Variants in BMPR1B observed in about 807,000 individuals in gnomAD.
BMPR1B encodes bone morphogenetic protein receptor type-1B.
BMPR1B carries 12 observed loss-of-function variants against 59.1 expected under a neutral mutation model. The observed-to-expected ratio is 0.20, with a 90% confidence interval of 0.13 to 0.33. The LOEUF is 0.33. Ranked by LOEUF, BMPR1B falls within the 10% of genes least tolerant of loss-of-function variation. The pLI is 1.00. For synonymous variants in BMPR1B, 237 were observed against 207.3 expected (o/e 1.14, Z -1.23); for missense variants, 550 against 610.9 (o/e 0.90, Z 1.05).
At chr4:95,136,468 T>C (rs1733796381) in intron 10 of BMPR1B, among the ~76,000 whole-genome samples, 1 of 152,210 alleles carries the variant, frequency 6.6e-6, no homozygotes, top group African/African-American at 2.4e-5. Context: ...TTGATTGGAA[T>C]AGTTTCAGAA....
At chr4:94,793,838 G>A (rs1470568968) in intron 1 of BMPR1B, among the ~76,000 whole-genome samples, 36 of 151,358 alleles carry the variant, frequency 2.4e-4, no homozygotes, top group Middle Eastern at 3.4e-3. Context: ...GTCTGTTCAT[G>A]TCCTTTGCCC....
chr4:95,013,593 G>T (rs950269607), intron 3 of BMPR1B, among the ~76,000 whole-genome samples: 1 of 152,064 alleles, frequency 6.6e-6, no homozygotes, highest in Admixed American at 6.6e-5. Flanking sequence ...CCTTAAAGAT[G>T]ATTTAAAAAA....
At chr4:95,030,858 A>G (rs1264895292) in intron 3 of BMPR1B, among the ~76,000 whole-genome samples, 1 of 152,224 alleles carries the variant, frequency 6.6e-6, no homozygotes, top group Non-Finnish European at 1.5e-5. Flanking sequence ...CCACTGCTCA[A>G]CGAAATAAAA....
chr4:95,146,453 C>A (rs531080654), intron 10 of BMPR1B, among the ~76,000 whole-genome samples: 7 of 152,250 alleles, frequency 4.6e-5, no homozygotes, highest in African/African-American at 1.7e-4. Flanking sequence ...ATTCCATTAT[C>A]TTTTCCTGAC....
At chr4:95,021,580 T>C (rs182213529) in intron 3 of BMPR1B, among the ~76,000 whole-genome samples, 30 of 152,350 alleles carry the variant, frequency 2.0e-4, no homozygotes, top group African/African-American at 7.2e-4. Flanking sequence ...TTTGGCATTT[T>C]GATATTTCCC....
intron 1 of BMPR1B, among the ~76,000 whole-genome samples, chr4:94,764,927 A>G (rs1191021689): frequency 6.6e-6 from 1 of 152,158 alleles, no homozygotes; most frequent in Non-Finnish European, 1.5e-5. Context: ...ATAAACAACT[A>G]TACATAATAG....
intron 2 of BMPR1B, among the ~76,000 whole-genome samples, chr4:94,978,575 CCTGCCTTTCA>C (rs1240804870): frequency 6.6e-6 from 1 of 152,170 alleles, no homozygotes; most frequent in Non-Finnish European, 1.5e-5. Flanking sequence ...AATTTTATGA[CCTGCCTTTCA>C]CACACCAAAC....
chr4:95,041,588 G>C (rs898394580), intron 3 of BMPR1B, among the ~76,000 whole-genome samples: 2 of 149,674 alleles, frequency 1.3e-5, no homozygotes, highest in Non-Finnish European at 3.0e-5. Flanking sequence ...CAGATTCTTG[G>C]AGTCCTCCAT....
At chr4:94,967,675 G>A (rs974373054) in intron 2 of BMPR1B, among the ~76,000 whole-genome samples, 5 of 151,952 alleles carry the variant, frequency 3.3e-5, no homozygotes. Flanking sequence ...GTAGAGATGG[G>A]GTTTCACCGT....
intron 1 of BMPR1B, among the ~76,000 whole-genome samples, chr4:94,818,859 T>G (rs1724104260): frequency 6.6e-6 from 1 of 152,120 alleles, no homozygotes; most frequent in Non-Finnish European, 1.5e-5. Context: ...AGGCTAGGTG[T>G]GATGGCTCAT....
chr4:95,122,585 GTA>G (rs1027599454), intron 6 of BMPR1B, among the ~76,000 whole-genome samples: 3 of 152,064 alleles, frequency 2.0e-5, no homozygotes, highest in African/African-American at 7.2e-5. Flanking sequence ...TTATAAATCA[GTA>G]TATATTATAT....
chr4:94,949,321 T>TC (rs1306665750), intron 2 of BMPR1B, among the ~76,000 whole-genome samples: 165 of 39,286 alleles, frequency 4.2e-3, no homozygotes, highest in African/African-American at 6.5e-3. Context: ...TTTTTTTTTT[T>TC]TTTTTTGAGA....
At chr4:94,927,872 G>C (rs919806270) in intron 2 of BMPR1B, among the ~76,000 whole-genome samples, 2 of 152,104 alleles carry the variant, frequency 1.3e-5, no homozygotes, top group Non-Finnish European at 2.9e-5. Flanking sequence ...CAGAGGTAAT[G>C]TAAAGAAAGA....
intron 11 of BMPR1B, among the ~76,000 whole-genome samples, chr4:95,151,158 A>G (rs1735013757): frequency 6.6e-6 from 1 of 152,230 alleles, no homozygotes; most frequent in Admixed American, 6.5e-5. Flanking sequence ...TTGAGGTTTC[A>G]AACAGAGTTA....
intron 2 of BMPR1B, among the ~76,000 whole-genome samples, chr4:94,992,971 A>G (rs1721843576): frequency 6.6e-6 from 1 of 152,154 alleles, no homozygotes; most frequent in African/African-American, 2.4e-5. Flanking sequence ...GTAGCCTCGA[A>G]TCCCTGAGCT....
chr4:95,047,316 T>C (rs1038724938), intron 3 of BMPR1B, among the ~76,000 whole-genome samples: 3 of 152,234 alleles, frequency 2.0e-5, no homozygotes, highest in Non-Finnish European at 4.4e-5. Context: ...TTGCACTTAG[T>C]CATCATGTCA....
chr4:94,773,728 G>A (rs558051549), intron 1 of BMPR1B, among the ~76,000 whole-genome samples: 1 of 152,138 alleles, frequency 6.6e-6, no homozygotes, highest in East Asian at 1.9e-4. Context: ...TAGTTTCTGT[G>A]ATTACAAATT....
intron 2 of BMPR1B, among the ~76,000 whole-genome samples, chr4:94,969,465 C>A (rs1730690274): frequency 6.6e-6 from 1 of 152,256 alleles, no homozygotes; most frequent in East Asian, 1.9e-4. Flanking sequence ...TGTTCAGAAC[C>A]TGAAGCCTTT....
At chr4:94,781,567 G>A (rs1055190958) in intron 1 of BMPR1B, among the ~76,000 whole-genome samples, 5 of 151,718 alleles carry the variant, frequency 3.3e-5, no homozygotes, top group East Asian at 1.9e-4. Context: ...TGCCCACCAC[G>A]CACCTGGCTA....
Sources: gnomAD v4.1 joint callset for allele counts (sites outside exome capture counted in the v4.1 genomes callset) on GRCh38, gnomAD v4.1.1 for gene constraint, MANE v1.5 for transcripts, NCBI Gene and HGNC (gene_info 2026-07-23, HGNC 2026-07-21) for gene names.